Variants in ABCA5 observed in about 807,000 individuals in gnomAD.
ABCA5 encodes ATP binding cassette subfamily A member 5.
Under a neutral mutation model 206.0 loss-of-function variants are expected in ABCA5, and 163 were observed. The observed-to-expected ratio is 0.79, with a 90% CI of 0.70 to 0.90. ABCA5 has a LOEUF of 0.90. ABCA5 is among the 40% of genes least tolerant of loss of function. The probability of loss-of-function intolerance (pLI) is 0.00; values close to 1 mark genes in which losing one functional copy is unlikely to be tolerated. For missense variants in ABCA5, 1,859 were observed against 1,912.9 expected (o/e 0.97, Z 0.53); for synonymous variants, 609 against 613.8 (o/e 0.99, Z 0.11).
chr17:69,303,563 T>G (rs2075674208), intron 7 of ABCA5, among the ~76,000 whole-genome samples: 1 of 148,308 alleles, frequency 6.7e-6, no homozygotes, highest in Admixed American at 6.8e-5. Flanking sequence ...AACAAAAATT[T>G]TAAGTACAAG....
At chr17:69,281,043 AAT>A (rs778464670) in intron 18 of ABCA5, among the ~76,000 whole-genome samples, 15 of 149,020 alleles carry the variant, frequency 1.0e-4, no homozygotes, top group South Asian at 2.1e-4. Flanking sequence ...AATAAAAAAA[AAT>A]AAAAATAAAT....
intron 4 of ABCA5, among the ~76,000 whole-genome samples, 166 bp from the exon 5 acceptor site, chr17:69,308,534 T>C (rs780852749): frequency 6.6e-6 from 1 of 152,210 alleles, no homozygotes; most frequent in Non-Finnish European, 1.5e-5. Context: ...ACTTACAAGA[T>C]TTCTGATCAT....
At chr17:69,260,271 G>T in intron 27 of ABCA5, 67 bp downstream of exon 27, 2 of 1,236,864 alleles carry the variant, frequency 1.6e-6, no homozygotes, top group South Asian at 1.5e-5. Context: ...ACTAAACATA[G>T]TTAAAACCAT....
intron 9 of ABCA5, among the ~76,000 whole-genome samples, chr17:69,300,569 G>A (rs1191584431): frequency 1.3e-5 from 2 of 152,152 alleles, no homozygotes; most frequent in Admixed American, 1.3e-4. Flanking sequence ...TTGGAATGTG[G>A]CCTGTGCTAC....
intron 16 of ABCA5, 28 bp from the exon 17 acceptor site, chr17:69,286,065 T>C: frequency 8.8e-6 from 14 of 1,593,734 alleles, no homozygotes; most frequent in African/African-American, 1.4e-5. Flanking sequence ...TCACAATTAA[T>C]GATTATACAA....
intron 34 of ABCA5, 62 bp from the exon 35 acceptor site, chr17:69,251,928 T>G: frequency 1.3e-6 from 2 of 1,580,488 alleles, no homozygotes; most frequent in South Asian, 1.2e-5. Flanking sequence ...AAAAATGGGT[T>G]TTTAAAAATC....
intron 10 of ABCA5, among the ~76,000 whole-genome samples, chr17:69,295,385 A>G (rs2075574286): frequency 1.3e-5 from 2 of 152,196 alleles, no homozygotes; most frequent in African/African-American, 2.4e-5. Context: ...CACATAATAA[A>G]AAATAAGCAA....
intron 37 of ABCA5, 142 bp from the exon 38 acceptor site, chr17:69,248,459 C>A (rs893429946): frequency 3.7e-6 from 2 of 537,914 alleles, no homozygotes; most frequent in East Asian, 3.2e-5. Context: ...TTATTTTTCC[C>A]GCTTACTTCC....
intron 8 of ABCA5, among the ~76,000 whole-genome samples, chr17:69,302,334 T>C (rs2075660794): frequency 6.6e-6 from 1 of 152,202 alleles, no homozygotes; most frequent in Non-Finnish European, 1.5e-5. Context: ...AAATTTGTTC[T>C]GCTCCACACA....
chr17:69,264,647 T>C (rs1280854689), intron 24 of ABCA5, 88 bp downstream of exon 24: 4 of 929,680 alleles, frequency 4.3e-6, no homozygotes, highest in Non-Finnish European at 5.9e-6. Context: ...ATAACCAAAT[T>C]ATGCAATAAG....
intron 30 of ABCA5, 36 bp downstream of exon 30, chr17:69,255,696 TC>T (rs1161744637): frequency 6.3e-7 from 1 of 1,577,746 alleles, no homozygotes; most frequent in Non-Finnish European, 8.5e-7. Context: ...AAATTACTCT[TC>T]TAGAAAAGTT....
At chr17:69,308,464 T>C in intron 4 of ABCA5, 96 bp from the exon 5 acceptor site, 1 of 765,146 alleles carries the variant, frequency 1.3e-6, no homozygotes, top group Non-Finnish European at 2.2e-6. Context: ...CAAAACAATA[T>C]AATCAATCAA....
intron 1 of ABCA5, among the ~76,000 whole-genome samples, chr17:69,322,265 G>A (rs892093391): frequency 6.6e-6 from 1 of 150,690 alleles, no homozygotes; most frequent in Non-Finnish European, 1.5e-5. Context: ...AGCTACTCAG[G>A]AGGCTGAGGC....
Position 69,306,739 on chromosome 17 carries a change from A to G in ABCA5, c.774T>C (p.His258=). Residue 258 remains histidine, a synonymous_variant, in exon 6 of 39, where the codon CAT becomes CAC. Transcript: ENST00000392676. The part of the protein sequence containing the change: ...IKEFLKIMGL[H]DTAFWLSWVL... ...TAATAACATACCAAAAGGCAGTATCATGAAGTCCCATTATCTTTAAAAATT... is the reference window on the plus strand; with the variant it reads ...TAATAACATACCAAAAGGCAGTATCGTGAAGTCCCATTATCTTTAAAAATT... The G allele has an allele frequency of 6.7e-7, 1 of 1,485,232 alleles. No individual in the cohort carries two copies. Among genetic ancestry groups the G allele is most frequent in the Non-Finnish European group, 9.0e-7 (1 of 1,106,102 alleles). 92.0% of individuals were successfully genotyped at this position (1,485,232 alleles called of 1,614,324 possible).
intron 4 of ABCA5, 110 bp from the exon 5 acceptor site, chr17:69,308,478 T>C (rs2075741231): frequency 1.6e-6 from 1 of 608,046 alleles, no homozygotes; most frequent in Middle Eastern, 2.8e-4. Flanking sequence ...CAATCAATCT[T>C]TACAGGACCA....
chr17:69,256,798 T>G (rs1274033463), intron 28 of ABCA5, among the ~76,000 whole-genome samples: 3 of 152,090 alleles, frequency 2.0e-5, no homozygotes, highest in Non-Finnish European at 4.4e-5. Flanking sequence ...TGGACGATAT[T>G]ATCTAAATTC....
chr17:69,315,277 AG>A (rs2075805219), intron 1 of ABCA5: 1 of 152,296 alleles, frequency 6.6e-6, no homozygotes, highest in Admixed American at 6.5e-5. Flanking sequence ...GTTCACTGCA[AG>A]GCACACACAA....
chr17:69,259,609 G>T, intron 28 of ABCA5, 97 bp downstream of exon 28: 1 of 780,750 alleles, frequency 1.3e-6, no homozygotes, highest in Non-Finnish European at 2.0e-6. Context: ...GTTTCTTTTT[G>T]GAGTGCTGGA....
intron 9 of ABCA5, 151 bp downstream of exon 9, chr17:69,300,988 T>C (rs1297795365): frequency 5.0e-6 from 3 of 599,546 alleles, no homozygotes; most frequent in East Asian, 3.3e-5. Flanking sequence ...AGGTACAAAA[T>C]ATACTTATTT....
Sources: gnomAD v4.1 joint callset for allele counts (sites outside exome capture counted in the v4.1 genomes callset) on GRCh38, gnomAD v4.1.1 for gene constraint, MANE v1.5 for transcripts, NCBI Gene and HGNC (gene_info 2026-07-23, HGNC 2026-07-21) for gene names.